Variants in DOK7 observed in about 807,000 individuals in gnomAD.
DOK7 encodes the protein protein Dok-7.
DOK7 carries 32 observed loss-of-function variants against 30.7 expected under a neutral mutation model. That is an observed-to-expected ratio of 1.04 (90% CI 0.79 to 1.40). The LOEUF is 1.40. Ranked by LOEUF, DOK7 falls within the 40% of genes most tolerant of loss-of-function variation. The pLI is 0.00. For synonymous variants in DOK7, 447 were observed against 324.1 expected (o/e 1.38, Z -4.07); for missense variants, 1,007 against 699.2 (o/e 1.44, Z -4.97).
intron 6 of DOK7, among the ~76,000 whole-genome samples, chr4:3,490,259 T>C (rs1577174263): frequency 9.2e-6 from 1 of 109,270 alleles, no homozygotes; most frequent in East Asian, 2.6e-4. Flanking sequence ...TCCCTGCTCA[T>C]TCATTCCTTC....
chr4:3,468,540 A>ATGAGTGTGTGTGACTGGGAG (rs1560205458), intron 2 of DOK7, among the ~76,000 whole-genome samples: 3 of 93,154 alleles, frequency 3.2e-5, no homozygotes, highest in Admixed American at 1.0e-4. Flanking sequence ...CTGTGAGTGT[A>ATGAGTGTGTGTGACTGGGAG]TGTGTGTGTG....
intron 3 of DOK7, among the ~76,000 whole-genome samples, chr4:3,474,692 G>T (rs748567742): frequency 3.7e-4 from 56 of 152,092 alleles, no homozygotes; most frequent in Non-Finnish European, 5.6e-4. Context: ...TGTGGTGGTG[G>T]GCACATGTAA....
intron 2 of DOK7, among the ~76,000 whole-genome samples, chr4:3,470,868 G>A (rs897224417): frequency 1.3e-5 from 2 of 152,240 alleles, no homozygotes; most frequent in Non-Finnish European, 2.9e-5. Flanking sequence ...GTTGAACAAA[G>A]GAGGTGCTGG....
intron 2 of DOK7, among the ~76,000 whole-genome samples, chr4:3,472,926 G>A (rs1360736903): frequency 6.6e-6 from 1 of 152,208 alleles, no homozygotes; most frequent in Admixed American, 6.5e-5. Context: ...ACCAGGAGGG[G>A]CGGTGGGTCT....
intron 6 of DOK7, among the ~76,000 whole-genome samples, chr4:3,490,632 C>T (rs866254673): frequency 8.1e-3 from 93 of 11,470 alleles, no homozygotes; most frequent in Admixed American, 8.7e-3. Flanking sequence ...CTTCCCTCTC[C>T]GCCTGCTCGT....
chr4:3,476,251 CACCCGCCCGTGATGCCCTCTCA>C, intron 3 of DOK7, 69 bp from the exon 4 acceptor site: 3 of 845,310 alleles, frequency 3.5e-6, no homozygotes, highest in Admixed American at 6.0e-5. Flanking sequence ...CCTCTCACCC[CACCCGCCCGTGATGCCCTCTCA>C]CCCCACCCGC....
chr4:3,478,540 C>T (rs1413067644), intron 4 of DOK7, among the ~76,000 whole-genome samples: 2 of 109,532 alleles, frequency 1.8e-5, no homozygotes, highest in Non-Finnish European at 3.8e-5. Flanking sequence ...CGGGCTGGCC[C>T]CACAGAACCC....
intron 4 of DOK7, among the ~76,000 whole-genome samples, chr4:3,483,873 T>C (rs1727588036): frequency 2.6e-5 from 4 of 152,124 alleles, no homozygotes. Flanking sequence ...CAGGGCCTGG[T>C]GCAGGCTCTC....
chr4:3,488,469 CTGTT>C lies in DOK7; in HGVS notation c.653-1202_653-1199del, dbSNP rs768530843. On this transcript the variant is annotated intron_variant, in intron 5 of 6. Transcript: ENST00000340083. ...CTGGACAGGGACACCATTGCTTTCT[CTGTT>C]TGTTTCTCCGGAGCGCTGACCATGG... Among the ~76,000 whole-genome samples the C allele has an allele frequency of 1.2e-4, 18 of 152,358 alleles. No individual in the cohort carries two copies. In the East Asian group the frequency reaches 1.3e-3, roughly 11 times the overall value.
chr4:3,481,069 AG>A, intron 4 of DOK7, among the ~76,000 whole-genome samples: 1 of 151,916 alleles, frequency 6.6e-6, no homozygotes. Flanking sequence ...GGTGTCCCGA[AG>A]GGCTGTGTAG....
downstream of DOK7, chr4:3,494,591 T>C (rs1467904890): frequency 3.3e-6 from 3 of 909,280 alleles, no homozygotes; most frequent in Non-Finnish European, 3.9e-6. Context: ...CTGGCCTTTA[T>C]CTCAGAGAGT....
rs765949320 is a variant in DOK7, at chr4:3,493,549, CA to C, written c.*49del. On this transcript the variant is annotated 3_prime_UTR_variant, in exon 7 of 7. Transcript: ENST00000340083. ...GCTGCAAAGGGGCTGAATTTGCCCCCAGATGGCAGAGGAAGTGGCGCCAGCC... is the reference window on the plus strand; with the variant it reads ...GCTGCAAAGGGGCTGAATTTGCCCCCGATGGCAGAGGAAGTGGCGCCAGCC... 6.3e-7 allele frequency: 1 copy of C among 1,594,050 alleles called. No individual in the cohort carries two copies. Among genetic ancestry groups the C allele is most frequent in the South Asian group, 1.1e-5 (1 of 88,658 alleles).
intron 2 of DOK7, among the ~76,000 whole-genome samples, chr4:3,466,767 C>T (rs1340468984): frequency 1.3e-5 from 2 of 152,186 alleles, no homozygotes; most frequent in Admixed American, 6.5e-5. Flanking sequence ...GAGAGGTGGG[C>T]GCGAGGGCCT....
chr4:3,494,718 C>T (rs1165642161), downstream of DOK7, among the ~76,000 whole-genome samples: 1 of 152,132 alleles, frequency 6.6e-6, no homozygotes, highest in East Asian at 1.9e-4. Flanking sequence ...ACGTGTGGCA[C>T]ATTCCTGGGT....
chr4:3,495,753 C>A (rs1272042014), downstream of DOK7, among the ~76,000 whole-genome samples: 1 of 152,066 alleles, frequency 6.6e-6, no homozygotes, highest in Non-Finnish European at 1.5e-5. Context: ...TGGACCTTCG[C>A]TGGTTCGGGC....
chr4:3,487,635 A>C (rs779836818), intron 5 of DOK7, among the ~76,000 whole-genome samples: 1 of 152,098 alleles, frequency 6.6e-6, no homozygotes, highest in Non-Finnish European at 1.5e-5. Flanking sequence ...ACGGGGGTGC[A>C]CCGTTGCTGC....
chr4:3,499,963 G>C (rs578199375), intron 6 of DOK7, among the ~76,000 whole-genome samples: 67 of 152,062 alleles, frequency 4.4e-4, no homozygotes, highest in African/African-American at 1.3e-3. Flanking sequence ...GGGCCCATGG[G>C]GGGGTCGGCA....
chr4:3,490,448 C>CCCT (rs368541581), intron 6 of DOK7, among the ~76,000 whole-genome samples: 4 of 101,514 alleles, frequency 3.9e-5, no homozygotes, highest in Non-Finnish European at 6.0e-5. Flanking sequence ...TCATTTCTCT[C>CCCT]CTGCTCATTC....
At chr4:3,477,828 CG>C (rs996768801) in intron 4 of DOK7, among the ~76,000 whole-genome samples, 1 of 19,928 alleles carries the variant, frequency 5.0e-5, no homozygotes, top group South Asian at 1.8e-3. Context: ...TGAGCTGGTG[CG>C]GGGGGTGGGG....
Sources: allele counts gnomAD v4.1 joint callset (sites outside exome capture counted in the v4.1 genomes callset), GRCh38; gene constraint gnomAD v4.1.1; transcripts MANE v1.5; gene names NCBI Gene and HGNC (gene_info 2026-07-23, HGNC 2026-07-21).